Variants in CHID1 observed in about 807,000 individuals in gnomAD.
The protein encoded by CHID1 is chitinase domain-containing protein 1.
CHID1 carries 44 observed loss-of-function variants against 55.4 expected under a neutral mutation model. The observed-to-expected ratio is 0.79, with a 90% confidence interval of 0.62 to 1.02. The LOEUF (loss-of-function observed/expected upper bound fraction) is 1.02, where lower values mean the gene tolerates loss of function less well. Among genes scored for constraint, CHID1 ranks in the 50% least tolerant of loss-of-function variants. CHID1 has a pLI of 0.00. For synonymous variants in CHID1, 216 were observed against 212.9 expected (o/e 1.01, Z -0.13); for missense variants, 491 against 515.3 (o/e 0.95, Z 0.46).
At chr11:891,329 A>ACCGTG (rs1589860214) in intron 8 of CHID1, among the ~76,000 whole-genome samples, 1 of 151,980 alleles carries the variant, frequency 6.6e-6, no homozygotes, top group African/African-American at 2.4e-5. Flanking sequence ...CAGCCTCGTC[A>ACCGTG]CCGTGCCCGT....
chr11:897,311 T>C (rs951661391), intron 7 of CHID1, among the ~76,000 whole-genome samples: 13 of 152,218 alleles, frequency 8.5e-5, no homozygotes, highest in Non-Finnish European at 1.6e-4. Context: ...CAAGAGGCTA[T>C]CTCCTGAGGA....
chr11:881,446 CGGGCGG>C (rs1849915624), intron 10 of CHID1, among the ~76,000 whole-genome samples: 1 of 111,886 alleles, frequency 8.9e-6, no homozygotes, highest in African/African-American at 3.7e-5. Flanking sequence ...AGGACCACGT[CGGGCGG>C]TAGGCTGGGT....
At chr11:896,260 G>A (rs1851278078) in intron 7 of CHID1, among the ~76,000 whole-genome samples, 1 of 124,926 alleles carries the variant, frequency 8.0e-6, no homozygotes, top group South Asian at 2.5e-4. Context: ...CCCCAGACAT[G>A]AGGCTGTCTC....
chr11:894,990 G>C (rs1392559714), intron 7 of CHID1, among the ~76,000 whole-genome samples: 1 of 152,202 alleles, frequency 6.6e-6, no homozygotes, highest in African/African-American at 2.4e-5. Flanking sequence ...GTGGGGAGCA[G>C]TGTCTTTGGG....
chr11:873,290 G>C (rs1025360304), intron 10 of CHID1, among the ~76,000 whole-genome samples: 2 of 152,156 alleles, frequency 1.3e-5, no homozygotes, highest in Non-Finnish European at 2.9e-5. Flanking sequence ...GACACACACA[G>C]GGGCTGGGTC....
rs1288916556 is a variant in CHID1 at position 868,848 on chromosome 11, C to G, written c.*1010G>C. ...CGCCCAGGCCCACCCACTCCCTGGA[C>G]TCACTTCTGTCCCCCCGAGAGACCT... On this transcript the variant is annotated 3_prime_UTR_variant, in exon 13 of 13. Coordinates refer to ENST00000323578, the MANE Select transcript of CHID1 (RefSeq NM_023947.4). The G allele has an allele frequency of 2.0e-5, 3 of 152,468 alleles. No homozygotes were observed. The highest frequency in any genetic ancestry group is 4.4e-5 in the Non-Finnish European group (3 of 68,264). The allele number at this position is 152,468 out of a possible 1,614,324, so 9.4% of individuals were successfully genotyped here.
intron 4 of CHID1, 144 bp downstream of exon 4, chr11:902,054 C>A: frequency 3.5e-6 from 3 of 866,744 alleles, no homozygotes; most frequent in Admixed American, 2.3e-5. Flanking sequence ...CACATTCACA[C>A]TTAAATCACG....
chr11:902,427 T>C, intron 3 of CHID1, 97 bp from the exon 4 acceptor site: 2 of 1,417,252 alleles, frequency 1.4e-6, no homozygotes, highest in South Asian at 1.3e-5. Flanking sequence ...TGCCCAGGGC[T>C]GGCCAGCGTA....
At chr11:900,307 G>A (rs1306235558) in intron 5 of CHID1, among the ~76,000 whole-genome samples, 197 bp from the exon 6 acceptor site, 4 of 152,314 alleles carry the variant, frequency 2.6e-5, no homozygotes, top group Admixed American at 2.6e-4. Context: ...AGAGGGAGGG[G>A]TGGTGGGGAA....
In CHID1 at chr11:870,485, A is replaced by G; in HGVS notation, c.974T>C (p.Leu325Pro). Residue 325 changes from leucine to proline, a missense_variant, in exon 11 of 13, where the codon CTG (leucine) becomes CCG (proline). Leu to Pro is a moderately conservative substitution (Grantham distance 98). Transcript: ENST00000323578. ...CACCATCCGGGGCCTGTGGTCCTTC[A>G]GTGTCTGGATGTACCTGGGGAGACC... ...PVVGARYIQT[L>P]KDHRPRMVWD... 6.2e-7 allele frequency: 1 copy of G among 1,610,644 alleles called. No individual in the cohort carries two copies. Among genetic ancestry groups the G allele is most frequent in the Non-Finnish European group, 8.5e-7 (1 of 1,178,674 alleles).
intron 10 of CHID1, among the ~76,000 whole-genome samples, chr11:876,861 C>T (rs1849555193): frequency 6.6e-6 from 1 of 152,220 alleles, no homozygotes; most frequent in South Asian, 2.1e-4. Flanking sequence ...AGCTACTGGC[C>T]ACCCAGGATG....
Position 902,991 on chromosome 11 carries a change from C to G in CHID1, c.232G>C (p.Ala78Pro). The change falls in exon 3 of 13, where the codon GCT becomes CCT. Residue 78 changes from alanine to proline, a missense_variant. Coordinates refer to ENST00000323578, the MANE Select transcript of CHID1 (RefSeq NM_023947.4). ...CSAKARDRHF[A>P]GDVLGYVTPW... ...GTGACATAGCCCAGTACATCCCCAG[C>G]AAAGTGTCTGTCCCGGGCCTTTGCC... is the stretch of plus-strand genomic sequence containing the variant. The G allele has an allele frequency of 3.7e-6, 6 of 1,614,060 alleles. No individual in the cohort carries two copies. Among genetic ancestry groups the G allele is most frequent in the Non-Finnish European group, 5.1e-6 (6 of 1,180,014 alleles).
intron 7 of CHID1, 117 bp from the exon 8 acceptor site, chr11:893,636 G>T: frequency 1.3e-6 from 1 of 758,010 alleles, no homozygotes; most frequent in Non-Finnish European, 2.1e-6. Context: ...ACACCCTGCA[G>T]CAGGGCAGGT....
At chr11:913,356 T>A (rs1446050134), upstream of CHID1, among the ~76,000 whole-genome samples, 1 of 152,184 alleles carries the variant, frequency 6.6e-6, no homozygotes, top group Non-Finnish European at 1.5e-5. Flanking sequence ...CTGTTATCAA[T>A]TCAGACAACC....
rs572751199 is a variant in CHID1, at chr11:893,714, G to C, written c.609-195C>G. 2.6e-5 allele frequency among the ~76,000 whole-genome samples: 4 copies of C among 152,234 alleles called. 1 individual carries two copies. The South Asian group carries it at 8.3e-4, about 32-fold the overall frequency. On this transcript the variant is annotated intron_variant, in intron 7 of 12. Coordinates refer to ENST00000323578, the MANE Select transcript of CHID1 (RefSeq NM_023947.4). The stretch of plus-strand genomic sequence containing the variant: ...CCCAACAACACTGTCTCATGCCCCA[G>C]TGGGCCCCCTAGAGTGGGGGCCTGT...
chr11:884,297 G>T, intron 8 of CHID1, 128 bp from the exon 9 acceptor site: 1 of 663,768 alleles, frequency 1.5e-6, no homozygotes, highest in Non-Finnish European at 2.6e-6. Flanking sequence ...GTGTTCTTCT[G>T]GGGTGGGGAC....
intron 8 of CHID1, among the ~76,000 whole-genome samples, chr11:890,388 G>A (rs1589857674): frequency 6.6e-6 from 1 of 152,278 alleles, no homozygotes; most frequent in Non-Finnish European, 1.5e-5. Flanking sequence ...TCTGACTGCT[G>A]AGTTGGGCTC....
At chr11:896,054 CT>C (rs1402346493) in intron 7 of CHID1, among the ~76,000 whole-genome samples, 1 of 152,008 alleles carries the variant, frequency 6.6e-6, no homozygotes, top group Non-Finnish European at 1.5e-5. Flanking sequence ...CCGTCGAGCC[CT>C]GACACAACGA....
At chr11:885,566 C>T (rs1433582489) in intron 8 of CHID1, among the ~76,000 whole-genome samples, 1 of 152,156 alleles carries the variant, frequency 6.6e-6, no homozygotes, top group African/African-American at 2.4e-5. Context: ...CAGCACTATG[C>T]CCATCACTCC....
Sources: gnomAD v4.1 joint callset for allele counts (sites outside exome capture counted in the v4.1 genomes callset) on GRCh38, gnomAD v4.1.1 for gene constraint, MANE v1.5 for transcripts, NCBI Gene and HGNC (gene_info 2026-07-23, HGNC 2026-07-21) for gene names.